Variants in TMPRSS2 observed in about 807,000 individuals in gnomAD.
TMPRSS2 encodes the protein transmembrane protease serine 2.
TMPRSS2 carries 59 observed loss-of-function variants against 67.4 expected under a neutral mutation model. The ratio of observed to expected loss-of-function variants is 0.88; its 90% CI spans 0.71 to 1.09. TMPRSS2 has a LOEUF of 1.09. Ranked by LOEUF, TMPRSS2 falls within the 50% of genes least tolerant of loss-of-function variation. The pLI is 0.00. For missense variants in TMPRSS2, 668 were observed against 642.7 expected (o/e 1.04, Z -0.43); for synonymous variants, 257 against 257.0 (o/e 1.00, Z 0.00).
At chr21:41,468,769 G>A in intron 11 of TMPRSS2, 1 of 492,812 alleles carries the variant, frequency 2.0e-6, no homozygotes, top group South Asian at 3.5e-5. Context: ...CAGCTTCAGG[G>A]AAAGAAATTC....
chr21:41,476,681 G>A, intron 7 of TMPRSS2, 61 bp from the exon 8 acceptor site: 1 of 1,424,890 alleles, frequency 7.0e-7, no homozygotes, highest in Non-Finnish European at 9.9e-7. Flanking sequence ...CCTCTCACAT[G>A]CTTAGAAATC....
intron 1 of TMPRSS2, among the ~76,000 whole-genome samples, chr21:41,504,058 G>A (rs979890617): frequency 1.3e-5 from 2 of 152,218 alleles, no homozygotes; most frequent in Non-Finnish European, 1.5e-5. Context: ...ATAATAAAAA[G>A]CCTCAGCTTA....
intron 3 of TMPRSS2, among the ~76,000 whole-genome samples, chr21:41,492,907 T>G (rs1257587698): frequency 6.6e-6 from 1 of 152,198 alleles, no homozygotes; most frequent in East Asian, 1.9e-4. Flanking sequence ...CACAGACAGT[T>G]CCTTATCCCC....
intron 1 of TMPRSS2, among the ~76,000 whole-genome samples, chr21:41,498,557 A>G (rs995159685): frequency 6.6e-6 from 1 of 152,230 alleles, no homozygotes; most frequent in Non-Finnish European, 1.5e-5. Context: ...CTGGGGCTCA[A>G]GGCCACCCAC....
chr21:41,469,061 C>T (rs1024115555), intron 11 of TMPRSS2, among the ~76,000 whole-genome samples: 1 of 152,136 alleles, frequency 6.6e-6, no homozygotes, highest in African/African-American at 2.4e-5. Flanking sequence ...TCCCCTCGGG[C>T]ATCTTCTGGG....
Position 41,473,376 on chromosome 21 carries a change from C to T in TMPRSS2, c.848G>A (p.Gly283Asp), listed in dbSNP as rs544474510. The T allele has an allele frequency of 4.3e-6, 7 of 1,609,966 alleles. No individual in the cohort carries two copies. Among genetic ancestry groups the T allele is most frequent in the Non-Finnish European group, 5.1e-6 (6 of 1,179,238 alleles). ...LHVQNVHVCG[G>D]SIITPEWIVT... is the part of the protein sequence containing the mutation. ...GATCCACTCGGGGGTGATGATGGAGCCTCCGCACACGTGGACGTTCTGGAC... is the reference window on the plus strand; with the variant it reads ...GATCCACTCGGGGGTGATGATGGAGTCTCCGCACACGTGGACGTTCTGGAC... Residue 283 changes from glycine to aspartate, a missense_variant, in exon 9 of 14, where the codon GGC (glycine) becomes GAC (aspartate). By Grantham distance (94) the Gly-to-Asp change is moderately conservative. Transcript: ENST00000332149.
chr21:41,507,909 T>A, intron 1 of TMPRSS2, 172 bp downstream of exon 1: 1 of 1,493,378 alleles, frequency 6.7e-7, no homozygotes. Flanking sequence ...GGAGGCGCCC[T>A]GCCCGGCTGG....
chr21:41,468,625 G>C, intron 11 of TMPRSS2, 87 bp from the exon 12 acceptor site: 3 of 1,461,520 alleles, frequency 2.1e-6, no homozygotes, highest in Non-Finnish European at 1.9e-6. Context: ...ACCTCCACAC[G>C]CACTACACAG....
intron 9 of TMPRSS2, 113 bp from the exon 10 acceptor site, chr21:41,472,094 CAAAAACCACACAGGGAGA>C (rs2091138605): frequency 9.6e-7 from 1 of 1,041,888 alleles, no homozygotes; most frequent in African/African-American, 1.6e-5. Context: ...GATGGTTCAC[CAAAAACCACACAGGGAGA>C]TAGTGGAAGA....
rs2146484362 is a variant in TMPRSS2 at position 41,494,569 on chromosome 21, G to T, written c.25C>A (p.Pro9Thr). 1.2e-6 allele frequency: 2 copies of T among 1,613,624 alleles called. No homozygotes were observed. Among genetic ancestry groups the T allele is most frequent in the Non-Finnish European group, 1.7e-6 (2 of 1,179,920 alleles). The part of the protein sequence containing the change: MALNSGSP[P>T]AIGPYYENHG... ...TTTTCATAGTAAGGTCCAATAGCTGGTGGTGACCCCTAAACAGTTGAAAAG... is the reference window on the plus strand; with the variant it reads ...TTTTCATAGTAAGGTCCAATAGCTGTTGGTGACCCCTAAACAGTTGAAAAG... Residue 9 changes from proline (P) to threonine (T), a missense_variant, in exon 3 of 14, where the codon CCA becomes ACA. Coordinates refer to ENST00000332149, the MANE Select transcript of TMPRSS2 (RefSeq NM_005656.4).
chr21:41,475,876 C>T (rs2091208588), intron 8 of TMPRSS2, among the ~76,000 whole-genome samples: 1 of 151,868 alleles, frequency 6.6e-6, no homozygotes, highest in Non-Finnish European at 1.5e-5. Context: ...GACCCCCACT[C>T]AGGACCTAAA....
chr21:41,489,688 A>T, intron 3 of TMPRSS2, 95 bp from the exon 4 acceptor site: 1 of 740,162 alleles, frequency 1.4e-6, no homozygotes, highest in Non-Finnish European at 2.2e-6. Context: ...CACCACATTA[A>T]GAAATAATTA....
chr21:41,484,492 A>G (rs1297175869), intron 5 of TMPRSS2, among the ~76,000 whole-genome samples: 1 of 152,168 alleles, frequency 6.6e-6, no homozygotes, highest in African/African-American at 2.4e-5. Flanking sequence ...TCAGCATCCT[A>G]AGGTGTTCAT....
At chr21:41,468,645 G>A (rs2091104803) in intron 11 of TMPRSS2, 107 bp from the exon 12 acceptor site, 3 of 1,334,918 alleles carry the variant, frequency 2.2e-6, no homozygotes, top group Admixed American at 4.2e-5. Context: ...GATGGTCACA[G>A]CCCTATTTTC....
intron 11 of TMPRSS2, among the ~76,000 whole-genome samples, chr21:41,470,006 A>G (rs1456315037): frequency 6.6e-6 from 1 of 152,076 alleles, no homozygotes; most frequent in Non-Finnish European, 1.5e-5. Flanking sequence ...GAAATCACCC[A>G]ACCTTTGTAC....
intron 13 of TMPRSS2, among the ~76,000 whole-genome samples, chr21:41,466,786 T>C (rs1300537179): frequency 6.6e-6 from 1 of 152,212 alleles, no homozygotes. Context: ...ACTGCTTTCT[T>C]CCACTAGTAG....
intron 5 of TMPRSS2, 83 bp from the exon 6 acceptor site, chr21:41,480,685 C>T: frequency 6.5e-7 from 1 of 1,545,830 alleles, no homozygotes; most frequent in East Asian, 2.4e-5. Flanking sequence ...GTCACCTAGG[C>T]TGAAGTGCAG....
chr21:41,481,643 C>A (rs1277869566), intron 5 of TMPRSS2, among the ~76,000 whole-genome samples: 1 of 151,912 alleles, frequency 6.6e-6, no homozygotes, highest in Admixed American at 6.6e-5. Context: ...TATCAATAAG[C>A]TGTTTTATAT....
chr21:41,506,127 G>T lies in TMPRSS2; in HGVS notation c.-57+1954C>A, dbSNP rs142261174. On this transcript the variant is annotated intron_variant, in intron 1 of 13. Coordinates refer to ENST00000332149, the MANE Select transcript of TMPRSS2 (RefSeq NM_005656.4). The stretch of plus-strand genomic sequence containing the variant: ...ATTAAGGTGACTTGAGTTCAAGATA[G>T]AGTGGCCAACGGTGCCAGGCAGGCC... 1.9e-3 allele frequency among the ~76,000 whole-genome samples: 295 copies of T among 152,376 alleles called. 1 individual carries two copies. Among genetic ancestry groups the T allele is most frequent in the African/African-American group, 6.8e-3 (284 of 41,590 alleles).
Sources: gnomAD v4.1 joint callset for allele counts (sites outside exome capture counted in the v4.1 genomes callset) on GRCh38, gnomAD v4.1.1 for gene constraint, MANE v1.5 for transcripts, NCBI Gene and HGNC (gene_info 2026-07-23, HGNC 2026-07-21) for gene names.